ULK4: variants seen among roughly 807,000 people sequenced by gnomAD.
ULK4 encodes unc-51 like kinase 4, also known as inactive serine/threonine-protein kinase ULK4.
ULK4 carries 133 observed loss-of-function variants against 160.6 expected under a neutral mutation model. The observed-to-expected ratio is 0.83, with a 90% confidence interval of 0.72 to 0.96. The LOEUF is 0.96. ULK4 is among the 40% of genes least tolerant of loss of function. ULK4 has a pLI of 0.00. For missense variants in ULK4, 1,580 were observed against 1,499.5 expected (o/e 1.05, Z -0.89); for synonymous variants, 534 against 539.8 (o/e 0.99, Z 0.15).
At chr3:41,897,441 A>G (rs1698200048) in intron 14 of ULK4, among the ~76,000 whole-genome samples, 1 of 152,230 alleles carries the variant, frequency 6.6e-6, no homozygotes, top group African/African-American at 2.4e-5. Flanking sequence ...CATGATAGCT[A>G]AAAATCACCT....
At chr3:41,734,312 T>C in intron 22 of ULK4, among the ~76,000 whole-genome samples, 1 of 152,186 alleles carries the variant, frequency 6.6e-6, no homozygotes, top group South Asian at 2.1e-4. Context: ...CTGCATATAG[T>C]GTTACTGAAT....
intron 19 of ULK4, among the ~76,000 whole-genome samples, chr3:41,805,049 G>A (rs547614648): frequency 8.9e-4 from 135 of 152,212 alleles, no homozygotes; most frequent in Admixed American, 2.3e-3. Context: ...TGGGTATGGC[G>A]TTGAATCTAT....
intron 18 of ULK4, among the ~76,000 whole-genome samples, chr3:41,830,818 T>C (rs2041554899): frequency 1.3e-5 from 2 of 151,666 alleles, no homozygotes; most frequent in South Asian, 2.1e-4. Context: ...AACTGAGCAC[T>C]GAGGTTTTAT....
At chr3:41,824,163 TAAA>T (rs78604753) in intron 18 of ULK4, among the ~76,000 whole-genome samples, 2 of 117,786 alleles carry the variant, frequency 1.7e-5, no homozygotes, top group East Asian at 2.3e-4. Flanking sequence ...ACTCTATCTT[TAAA>T]AAAAAAAAAA....
At chr3:41,831,579 C>T (rs1399146042) in intron 18 of ULK4, among the ~76,000 whole-genome samples, 3 of 148,124 alleles carry the variant, frequency 2.0e-5, no homozygotes, top group Non-Finnish European at 4.4e-5. Flanking sequence ...ATGTGCAGGA[C>T]GTGCAGGTTT....
chr3:41,574,940 C>A (rs938330598), intron 31 of ULK4, among the ~76,000 whole-genome samples: 1 of 151,880 alleles, frequency 6.6e-6, no homozygotes, highest in Non-Finnish European at 1.5e-5. Flanking sequence ...CACTGGTTCA[C>A]GTAGGCCCAA....
chr3:41,429,007 G>A (rs913863152), intron 34 of ULK4, among the ~76,000 whole-genome samples: 56 of 151,612 alleles, frequency 3.7e-4, no homozygotes, highest in African/African-American at 9.9e-4. Flanking sequence ...CAATCTATCC[G>A]TCAGACAAAG....
intron 30 of ULK4, among the ~76,000 whole-genome samples, chr3:41,632,071 T>G (rs1483779064): frequency 6.6e-6 from 1 of 152,284 alleles, no homozygotes; most frequent in African/African-American, 2.4e-5. Context: ...CCCCAAGACA[T>G]GATTCTGTAT....
chr3:41,251,864 T>C (rs1305390615), intron 35 of ULK4, among the ~76,000 whole-genome samples: 2 of 152,200 alleles, frequency 1.3e-5, no homozygotes, highest in African/African-American at 2.4e-5. Context: ...CAGAAAGTAC[T>C]GGGGAGAGAA....
intron 35 of ULK4, among the ~76,000 whole-genome samples, chr3:41,353,688 A>T (rs563106005): frequency 1.6e-5 from 2 of 128,628 alleles, no homozygotes; most frequent in Non-Finnish European, 3.2e-5. Flanking sequence ...TAATAATAAT[A>T]ATAATTACAA....
intron 25 of ULK4, among the ~76,000 whole-genome samples, chr3:41,706,385 T>C (rs1341039984): frequency 3.4e-5 from 5 of 145,710 alleles, no homozygotes; most frequent in South Asian, 2.1e-4. Context: ...AATATATATA[T>C]TTATATATAT....
chr3:41,538,110 A>G (rs563884279), intron 32 of ULK4, among the ~76,000 whole-genome samples: 2 of 152,220 alleles, frequency 1.3e-5, no homozygotes, highest in East Asian at 3.9e-4. Context: ...AAAAGTATCA[A>G]ATCATCCTTT....
At chr3:41,511,248 A>T (rs546079211) in intron 32 of ULK4, among the ~76,000 whole-genome samples, 1 of 152,144 alleles carries the variant, frequency 6.6e-6, no homozygotes, top group Admixed American at 6.5e-5. Context: ...AACAAGAACA[A>T]TTCAAACCAA....
At chr3:41,933,291 C>G (rs1301728595) in intron 4 of ULK4, among the ~76,000 whole-genome samples, 2 of 152,282 alleles carry the variant, frequency 1.3e-5, no homozygotes, top group South Asian at 4.2e-4. Flanking sequence ...CAGAGGACCA[C>G]TGGCAGGGAT....
intron 12 of ULK4, among the ~76,000 whole-genome samples, chr3:41,904,702 G>A (rs1698491532): frequency 2.0e-5 from 3 of 151,970 alleles, no homozygotes; most frequent in Admixed American, 6.6e-5. Flanking sequence ...GCTTCACATG[G>A]TCCAAATACA....
chr3:41,303,746 A>G (rs1471960820), intron 35 of ULK4, among the ~76,000 whole-genome samples: 5 of 152,052 alleles, frequency 3.3e-5, no homozygotes, highest in Non-Finnish European at 7.4e-5. Context: ...CACCTTGGGT[A>G]GCATGCCCTG....
intron 12 of ULK4, among the ~76,000 whole-genome samples, chr3:41,902,059 A>G (rs1236203881): frequency 1.3e-5 from 2 of 152,152 alleles, no homozygotes; most frequent in African/African-American, 4.8e-5. Flanking sequence ...GTATTTCCCA[A>G]CAGGGAAAAA....
intron 29 of ULK4, among the ~76,000 whole-genome samples, chr3:41,677,577 T>C (rs112352483): frequency 0.025 from 3,802 of 149,474 alleles, 160 homozygotes; most frequent in African/African-American, 0.088. Context: ...ATGATCCGCA[T>C]GCCTCGGCCT....
chr3:41,736,295 T>G (rs1271362317), intron 22 of ULK4, among the ~76,000 whole-genome samples: 3 of 151,782 alleles, frequency 2.0e-5, no homozygotes, highest in Non-Finnish European at 2.9e-5. Flanking sequence ...TGAACTAGTT[T>G]ACAGTCCCAC....
Sources: gnomAD v4.1 joint callset for allele counts (sites outside exome capture counted in the v4.1 genomes callset) on GRCh38, gnomAD v4.1.1 for gene constraint, MANE v1.5 for transcripts, NCBI Gene and HGNC (gene_info 2026-07-23, HGNC 2026-07-21) for gene names.